DPP10: variants seen among roughly 807,000 people sequenced by gnomAD.
The protein encoded by DPP10 is dipeptidyl peptidase like 10.
A neutral mutation model predicts 120.9 loss-of-function variants in DPP10; 33 were observed. That is an observed-to-expected ratio of 0.27 (90% CI 0.21 to 0.37). The LOEUF (loss-of-function observed/expected upper bound fraction) is 0.37, where lower values mean the gene tolerates loss of function less well. Ranked by LOEUF, DPP10 falls within the 10% of genes least tolerant of loss-of-function variation. DPP10 has a pLI of 1.00. For synonymous variants in DPP10, 337 were observed against 326.1 expected, an observed-to-expected ratio of 1.03 and a Z score of -0.36; for missense variants, 816 against 942.8, an observed-to-expected ratio of 0.87 and a Z score of 1.76.
chr2:115,496,808 G>A (rs547439976), intron 3 of DPP10, among the ~76,000 whole-genome samples: 1 of 152,248 alleles, frequency 6.6e-6, no homozygotes, highest in East Asian at 1.9e-4. Flanking sequence ...CATGAGATTA[G>A]CCATGTGGGA....
chr2:114,513,875 T>C (rs1333518732), intron 1 of DPP10, among the ~76,000 whole-genome samples: 2 of 152,228 alleles, frequency 1.3e-5, no homozygotes, highest in Non-Finnish European at 2.9e-5. Flanking sequence ...CTTGAGAATA[T>C]CTGGCGCAGT....
intron 1 of DPP10, among the ~76,000 whole-genome samples, chr2:115,039,114 C>CA (rs2105288377): frequency 6.6e-6 from 1 of 152,172 alleles, no homozygotes; most frequent in South Asian, 2.1e-4. Flanking sequence ...GCAGAATGCA[C>CA]AACGGCAGAA....
intron 1 of DPP10, among the ~76,000 whole-genome samples, chr2:114,733,327 T>C (rs1436194150): frequency 4.6e-5 from 7 of 152,170 alleles, no homozygotes; most frequent in African/African-American, 1.7e-4. Context: ...TCAGCATCAA[T>C]GGATGATTAC....
intron 3 of DPP10, among the ~76,000 whole-genome samples, chr2:115,423,023 A>G (rs2070122579): frequency 6.6e-6 from 1 of 152,132 alleles, no homozygotes; most frequent in Non-Finnish European, 1.5e-5. Flanking sequence ...AAATGTGAAT[A>G]TGACATTTAA....
chr2:115,460,234 T>C (rs1014080173), intron 3 of DPP10, among the ~76,000 whole-genome samples: 1 of 152,254 alleles, frequency 6.6e-6, no homozygotes, highest in Non-Finnish European at 1.5e-5. Context: ...AGTAATCACA[T>C]ACTCTGTTGT....
intron 1 of DPP10, among the ~76,000 whole-genome samples, chr2:114,780,883 A>T (rs1682265571): frequency 6.6e-6 from 1 of 152,150 alleles, no homozygotes; most frequent in African/African-American, 2.4e-5. Context: ...AGAGCATTAC[A>T]ATCTGATTGG....
chr2:114,924,937 C>A (rs1264030984), intron 1 of DPP10, among the ~76,000 whole-genome samples: 1 of 152,102 alleles, frequency 6.6e-6, no homozygotes, highest in Non-Finnish European at 1.5e-5. Context: ...GTTGGCTGGG[C>A]ACGGTGGCTC....
At chr2:115,401,876 A>G (rs1303871534) in intron 3 of DPP10, among the ~76,000 whole-genome samples, 1 of 152,030 alleles carries the variant, frequency 6.6e-6, no homozygotes. Flanking sequence ...ACTACATGGG[A>G]CCAGATATTG....
At chr2:115,513,346 A>T (rs2077332557) in intron 4 of DPP10, among the ~76,000 whole-genome samples, 2 of 151,812 alleles carry the variant, frequency 1.3e-5, no homozygotes, top group South Asian at 2.1e-4. Flanking sequence ...ACACATTTTG[A>T]TTCATGTGTT....
At chr2:115,797,512 G>C (rs993929026) in intron 19 of DPP10, among the ~76,000 whole-genome samples, 3 of 151,998 alleles carry the variant, frequency 2.0e-5, no homozygotes, top group African/African-American at 7.2e-5. Context: ...ATTAATGTTT[G>C]TCTCAAAGAG....
At chr2:115,814,664 C>A in intron 19 of DPP10, 129 bp from the exon 20 acceptor site, 1 of 654,822 alleles carries the variant, frequency 1.5e-6, no homozygotes, top group East Asian at 3.2e-5. Flanking sequence ...GGTTTATTAT[C>A]AAGAATTAAC....
chr2:115,018,063 A>C (rs777898832), intron 1 of DPP10, among the ~76,000 whole-genome samples: 1 of 152,112 alleles, frequency 6.6e-6, no homozygotes, highest in Non-Finnish European at 1.5e-5. Context: ...ATGAACAGGC[A>C]CTTCTCAAAA....
chr2:114,571,924 G>A (rs896967095), intron 1 of DPP10, among the ~76,000 whole-genome samples: 5 of 147,298 alleles, frequency 3.4e-5, no homozygotes, highest in Admixed American at 2.7e-4. Context: ...TGTACATATT[G>A]TGTACATGTA....
At chr2:115,185,122 T>C (rs1001861176) in intron 1 of DPP10, among the ~76,000 whole-genome samples, 1 of 152,212 alleles carries the variant, frequency 6.6e-6, no homozygotes, top group African/African-American at 2.4e-5. Context: ...TTATACCTCA[T>C]GAGTACTCAA....
At chr2:114,778,798 A>C (rs1682001273) in intron 1 of DPP10, among the ~76,000 whole-genome samples, 1 of 152,110 alleles carries the variant, frequency 6.6e-6, no homozygotes, top group African/African-American at 2.4e-5. Flanking sequence ...CTGATGGAAG[A>C]TAAAATGGAT....
chr2:115,746,842 T>G (rs1437242989), intron 10 of DPP10, among the ~76,000 whole-genome samples: 1 of 152,198 alleles, frequency 6.6e-6, no homozygotes, highest in Non-Finnish European at 1.5e-5. Flanking sequence ...CTTTGGAAAT[T>G]TATCACAACC....
Position 115,660,660 on chromosome 2 carries a change from T to TTTTTTA in DPP10, c.442-29022_442-29021insATTTTT, listed in dbSNP as rs1483661466. On this transcript the variant is annotated intron_variant, in intron 5 of 25. Transcript: ENST00000410059. ...CTTTCATTCTCTCTGTCTGGCTTTTTTTTTTTTTTTTTTTTTTTTGCTAAT... is the reference window on the plus strand; with the variant it reads ...CTTTCATTCTCTCTGTCTGGCTTTTTTTTTTATTTTTTTTTTTTTTTTTTTGCTAAT... Among the ~76,000 whole-genome samples, 16 of 128,616 alleles carry TTTTTTA rather than the reference T, an allele frequency of 1.2e-4. 1 individual carries two copies. Among genetic ancestry groups the TTTTTTA allele is most frequent in the Non-Finnish European group, 2.0e-4 (13 of 65,320 alleles). 84.4% of individuals were successfully genotyped at this position (128,616 alleles called of 152,430 possible). A position where few individuals can be genotyped will look rare whatever the true frequency, so the allele number is the denominator to read the frequency against.
At chr2:115,261,432 A>T (rs540648240) in intron 1 of DPP10, among the ~76,000 whole-genome samples, 1 of 152,238 alleles carries the variant, frequency 6.6e-6, no homozygotes, top group Non-Finnish European at 1.5e-5. Flanking sequence ...ACTTAAAAAA[A>T]TTGGCCTTGG....
intron 1 of DPP10, among the ~76,000 whole-genome samples, chr2:115,024,504 T>G (rs1162544761): frequency 2.6e-5 from 4 of 151,718 alleles, no homozygotes; most frequent in African/African-American, 9.7e-5. Flanking sequence ...GTACATATTT[T>G]TCTTATTTTT....
Sources: gnomAD v4.1 joint callset for allele counts (sites outside exome capture counted in the v4.1 genomes callset) on GRCh38, gnomAD v4.1.1 for gene constraint, MANE v1.5 for transcripts, NCBI Gene and HGNC (gene_info 2026-07-23, HGNC 2026-07-21) for gene names.